IQGAP2: variants seen among roughly 807,000 people sequenced by gnomAD.
IQGAP2 encodes the protein ras GTPase-activating-like protein IQGAP2.
A neutral mutation model predicts 201.3 loss-of-function variants in IQGAP2; 173 were observed. That is an observed-to-expected ratio of 0.86 (90% CI 0.76 to 0.98). The LOEUF is 0.98. IQGAP2 is among the 50% of genes least tolerant of loss of function. IQGAP2 has a pLI of 0.00. For missense variants in IQGAP2, 1,687 were observed against 1,864.8 expected (o/e 0.90, Z 1.76); for synonymous variants, 675 against 673.9 (o/e 1.00, Z -0.03).
chr5:76,544,709 A>G (rs1742988452), intron 2 of IQGAP2, among the ~76,000 whole-genome samples: 1 of 152,148 alleles, frequency 6.6e-6, no homozygotes, highest in Admixed American at 6.5e-5. Flanking sequence ...GGTCATATAT[A>G]CACGTGGTGC....
chr5:76,549,075 C>T lies in IQGAP2; in HGVS notation c.147-13321C>T, dbSNP rs80188711. On this transcript the variant is annotated intron_variant, in intron 2 of 35. Transcript: ENST00000274364. ...TGAAGGTCAGGTGTGAACAGTGAAT[C>T]ATATTGGCGGGGCATGGTCTGGGAT... 5.5e-3 allele frequency among the ~76,000 whole-genome samples: 841 copies of T among 152,216 alleles called. 7 individuals carry two copies. The highest frequency in any genetic ancestry group is 0.018 in the East Asian group (94 of 5,182).
intron 10 of IQGAP2, among the ~76,000 whole-genome samples, chr5:76,600,075 G>C (rs571127988): frequency 2.0e-5 from 3 of 152,106 alleles, no homozygotes; most frequent in Admixed American, 2.0e-4. Flanking sequence ...TTGAACCTGG[G>C]AGGCGGAGGC....
intron 27 of IQGAP2, among the ~76,000 whole-genome samples, chr5:76,676,076 G>GAC (rs1561581121): frequency 4.7e-5 from 4 of 85,448 alleles, no homozygotes; most frequent in Non-Finnish European, 1.1e-4. Context: ...GTAAGACTCT[G>GAC]TCACACACAC....
At chr5:76,630,092 G>GTT (rs923419204) in intron 14 of IQGAP2, among the ~76,000 whole-genome samples, 1 of 152,090 alleles carries the variant, frequency 6.6e-6, no homozygotes, top group African/African-American at 2.4e-5. Context: ...TTCCTGGTTG[G>GTT]TTGTGACTTA....
Position 76,403,604 on chromosome 5 carries a change from GGC to G in IQGAP2, c.46+19_46+20del. 6.6e-7 allele frequency: 1 copy of G among 1,526,038 alleles called. No individual in the cohort carries two copies. Among genetic ancestry groups the G allele is most frequent in the Non-Finnish European group, 8.8e-7 (1 of 1,139,714 alleles). 94.5% of individuals were successfully genotyped at this position (1,526,038 alleles called of 1,614,324 possible). On this transcript the variant is annotated intron_variant, in intron 1 of 35. Transcript: ENST00000274364. The surrounding 1 kb of genome is among the most constrained non-coding windows in gnomAD (Gnocchi z 4.8). Reference sequence around the variant, plus strand: ...CCCCGCTATGGCTGTAAGTGCGCCGGGCGCGCGGGGTTCCTGCTGGCCTTGGG... The same window carrying G: ...CCCCGCTATGGCTGTAAGTGCGCCGGGCGCGGGGTTCCTGCTGGCCTTGGG...
chr5:76,509,188 A>C (rs963485741), intron 2 of IQGAP2, among the ~76,000 whole-genome samples: 1 of 152,118 alleles, frequency 6.6e-6, no homozygotes, highest in African/African-American at 2.4e-5. Flanking sequence ...TCATGACACC[A>C]CTTAGTATAG....
intron 1 of IQGAP2, among the ~76,000 whole-genome samples, chr5:76,443,585 C>G (rs1435730618): frequency 6.6e-6 from 1 of 151,792 alleles, no homozygotes; most frequent in African/African-American, 2.4e-5. Flanking sequence ...AATCCTTGGG[C>G]AGGTTTCCAG....
intron 1 of IQGAP2, among the ~76,000 whole-genome samples, chr5:76,408,844 G>T (rs577539797): frequency 7.9e-5 from 12 of 152,146 alleles, no homozygotes; most frequent in African/African-American, 2.4e-4. Flanking sequence ...CCAGGCTGAA[G>T]TACAGTGGTG....
At chr5:76,553,339 C>T (rs1743693247) in intron 2 of IQGAP2, among the ~76,000 whole-genome samples, 1 of 152,174 alleles carries the variant, frequency 6.6e-6, no homozygotes, top group Non-Finnish European at 1.5e-5. Flanking sequence ...ACTTGTGATA[C>T]TTGAAAGTTC....
intron 30 of IQGAP2, among the ~76,000 whole-genome samples, chr5:76,684,633 C>G (rs1168407209): frequency 6.6e-6 from 1 of 152,142 alleles, no homozygotes; most frequent in Non-Finnish European, 1.5e-5. Context: ...TACATTAGAA[C>G]AGTTATGTAT....
At chr5:76,650,692 A>T (rs972387587) in intron 17 of IQGAP2, among the ~76,000 whole-genome samples, 28 of 152,208 alleles carry the variant, frequency 1.8e-4, no homozygotes, top group African/African-American at 6.8e-4. Flanking sequence ...TTACATATGT[A>T]TACATGTGCC....
chr5:76,584,464 G>C (rs1746102874), intron 5 of IQGAP2, among the ~76,000 whole-genome samples: 2 of 152,178 alleles, frequency 1.3e-5, no homozygotes, highest in Non-Finnish European at 2.9e-5. Flanking sequence ...ACAAAACGCT[G>C]GGGGTTGCAG....
chr5:76,461,103 C>T (rs911027590), intron 1 of IQGAP2, among the ~76,000 whole-genome samples: 33 of 151,976 alleles, frequency 2.2e-4, no homozygotes, highest in Admixed American at 8.5e-4. Flanking sequence ...TGGTCTGGAT[C>T]TCCTGACCTT....
intron 23 of IQGAP2, among the ~76,000 whole-genome samples, 156 bp from the exon 24 acceptor site, chr5:76,671,603 G>A (rs1365983068): frequency 6.6e-6 from 1 of 150,938 alleles, no homozygotes; most frequent in Non-Finnish European, 1.5e-5. Context: ...CAGGAGAATC[G>A]CTTGAACCTG....
intron 8 of IQGAP2, 94 bp from the exon 9 acceptor site, chr5:76,592,744 G>T: frequency 1.2e-6 from 1 of 820,012 alleles, no homozygotes; most frequent in South Asian, 1.5e-5. Context: ...ATTAGGGAAT[G>T]GTTTTTGTCA....
chr5:76,626,642 G>T (rs934699527), intron 13 of IQGAP2, among the ~76,000 whole-genome samples: 2 of 152,058 alleles, frequency 1.3e-5, no homozygotes, highest in African/African-American at 4.8e-5. Context: ...GTTGTTGTTT[G>T]TTTTTAATTT....
chr5:76,583,649 G>A (rs1746032499), intron 5 of IQGAP2, among the ~76,000 whole-genome samples: 1 of 152,100 alleles, frequency 6.6e-6, no homozygotes, highest in Non-Finnish European at 1.5e-5. Context: ...CCACCTTGTG[G>A]TAACTTTTAC....
At chr5:76,591,779 G>A (rs967992604) in intron 8 of IQGAP2, among the ~76,000 whole-genome samples, 1 of 152,142 alleles carries the variant, frequency 6.6e-6, no homozygotes, top group Non-Finnish European at 1.5e-5. Flanking sequence ...TCAGCCATCA[G>A]CTTTATGCCA....
intron 33 of IQGAP2, chr5:76,699,618 TCTCTCTCTCTC>T (rs1226056682): frequency 3.5e-4 from 29 of 82,644 alleles, no homozygotes; most frequent in Middle Eastern, 5.3e-3. Context: ...TCTCTCTCTC[TCTCTCTCTCTC>T]TCTCTCTCTC....
Sources: gnomAD v4.1 joint callset for allele counts (sites outside exome capture counted in the v4.1 genomes callset) on GRCh38, gnomAD v4.1.1 for gene constraint, Gnocchi (gnomAD v3.1) non-coding constraint, MANE v1.5 for transcripts, NCBI Gene and HGNC (gene_info 2026-07-23, HGNC 2026-07-21) for gene names.